The following DOCK9 variants were observed in gnomAD, a reference collection of about 807,000 sequenced individuals.
The protein encoded by DOCK9 is dedicator of cytokinesis protein 9.
Under a neutral mutation model 263.3 loss-of-function variants are expected in DOCK9, and 89 were observed. That is an observed-to-expected ratio of 0.34 (90% CI 0.28 to 0.40). The LOEUF is 0.40. Among genes scored for constraint, DOCK9 ranks in the 10% least tolerant of loss-of-function variants. The pLI, the probability that DOCK9 is intolerant of heterozygous loss-of-function variation, is 1.00. For synonymous variants in DOCK9, 976 were observed against 973.1 expected (o/e 1.00, Z -0.06); for missense variants, 2,140 against 2,603.4 (o/e 0.82, Z 3.87).
chr13:98,927,538 A>C (rs2053174912), intron 3 of DOCK9, among the ~76,000 whole-genome samples: 1 of 152,200 alleles, frequency 6.6e-6, no homozygotes, highest in South Asian at 2.1e-4. Flanking sequence ...TATAAAATGT[A>C]CCTGCCCAAT....
chr13:98,966,047 A>G (rs1290587322), intron 1 of DOCK9, among the ~76,000 whole-genome samples: 1 of 152,268 alleles, frequency 6.6e-6, no homozygotes, highest in Non-Finnish European at 1.5e-5. Context: ...AAAGACAGGA[A>G]TAATAATACC....
chr13:98,990,218 A>G (rs1374494810), intron 1 of DOCK9, among the ~76,000 whole-genome samples: 1 of 152,222 alleles, frequency 6.6e-6, no homozygotes, highest in Non-Finnish European at 1.5e-5. Context: ...AAGAGGAAAA[A>G]AATGCAGAAG....
chr13:98,892,276 A>C (rs1329586110), intron 15 of DOCK9, among the ~76,000 whole-genome samples: 1 of 152,178 alleles, frequency 6.6e-6, no homozygotes, highest in Non-Finnish European at 1.5e-5. Flanking sequence ...CCACAGAGGA[A>C]ATGGGAATGG....
rs774418949 is a variant in DOCK9, at chr13:98,829,373, G to A, written c.4899C>T (p.Pro1633=). ...YSLAKSYAST[P]ELRKTWLDSM... The stretch of plus-strand genomic sequence containing the variant: ...TGTCGAGCCACGTCTTCCTGAGCTC[G>A]GGCGTGCTGGCATAGGATTTGGCCA... Residue 1633 remains proline, a synonymous_variant, in exon 43 of 53, where the codon CCC becomes CCT. Transcript: ENST00000682017. This position sits in a 1 kb window ranked among gnomAD's most constrained non-coding sequence, Gnocchi z 4.1. 1.5e-5 allele frequency: 24 copies of A among 1,613,560 alleles called. No homozygotes were observed. Among genetic ancestry groups the A allele is most frequent in the African/African-American group, 5.3e-5 (4 of 74,912 alleles).
At chr13:98,827,452 T>C (rs985768970) in intron 43 of DOCK9, among the ~76,000 whole-genome samples, 4 of 152,350 alleles carry the variant, frequency 2.6e-5, no homozygotes, top group Middle Eastern at 3.4e-3. Context: ...CATGGTGTTA[T>C]AAAGATCAAA....
intron 1 of DOCK9, among the ~76,000 whole-genome samples, chr13:99,021,367 T>C (rs1477986911): frequency 6.6e-6 from 1 of 152,164 alleles, no homozygotes; most frequent in Admixed American, 6.5e-5. Context: ...AGGCCAGGCG[T>C]GGTGGCTCAT....
At chr13:99,087,657 A>C (rs986511473), upstream of DOCK9, among the ~76,000 whole-genome samples, 11 of 152,220 alleles carry the variant, frequency 7.2e-5, no homozygotes, top group East Asian at 3.9e-4. Flanking sequence ...GCGCAGCCTA[A>C]CCCTCACAGG....
At chr13:99,086,393 C>A in exon 1 of DOCK9, 5 of 1,063,070 alleles carry the variant, frequency 4.7e-6, no homozygotes, top group Non-Finnish European at 5.7e-6. Flanking sequence ...GCTCCCGCGG[C>A]CCGGCCCGGC....
chr13:99,041,404 G>C (rs1170385752), intron 1 of DOCK9, among the ~76,000 whole-genome samples: 1 of 151,708 alleles, frequency 6.6e-6, no homozygotes, highest in East Asian at 1.9e-4. Flanking sequence ...AATTGCTTGA[G>C]CCCTGGAGGT....
intron 1 of DOCK9, among the ~76,000 whole-genome samples, chr13:98,988,579 G>A (rs575367781): frequency 1.4e-4 from 21 of 152,234 alleles, no homozygotes; most frequent in African/African-American, 4.8e-4. Flanking sequence ...TGACCAGACA[G>A]ACAAAATCAA....
In DOCK9 at chr13:98,977,836, T is replaced by C. The variant is rs1875529028; in HGVS notation, c.74A>G (p.Tyr25Cys). The C allele has an allele frequency of 1.2e-6, 2 of 1,609,410 alleles. No individual in the cohort carries two copies. Among genetic ancestry groups the C allele is most frequent in the Admixed American group, 1.7e-5 (1 of 59,412 alleles). Residue 25 changes from tyrosine (Y) to cysteine (C), a missense_variant, in exon 1 of 53, where the codon TAC becomes TGC. This residue lies in a region of DOCK9 where 1,521 missense variants were observed against 1,741.7 expected (regional missense o/e 0.87). Coordinates refer to ENST00000682017, the MANE Select transcript of DOCK9 (RefSeq NM_001366683.2). ...KELVIESPLQ[Y>C]KDAAQGEVEA... ...CACTTCGCCCTGAGCTGCATCCTTGTATTGCAGGGGGGACTCAATCACCAG... is the reference window on the plus strand; with the variant it reads ...CACTTCGCCCTGAGCTGCATCCTTGCATTGCAGGGGGGACTCAATCACCAG...
chr13:98,842,413 T>TTAGATCAAA (rs2093254412), intron 38 of DOCK9, among the ~76,000 whole-genome samples: 1 of 152,206 alleles, frequency 6.6e-6, no homozygotes. Context: ...TAACTGCCTT[T>TTAGATCAAA]TAGATCAAAT....
intron 1 of DOCK9, among the ~76,000 whole-genome samples, chr13:99,036,628 G>A (rs1312660008): frequency 6.6e-5 from 10 of 152,240 alleles, no homozygotes; most frequent in African/African-American, 1.9e-4. Context: ...TGCAACCTCC[G>A]ATTCCCTGAT....
At chr13:99,061,333 TA>T (rs1024344753) in intron 1 of DOCK9, among the ~76,000 whole-genome samples, 13 of 152,194 alleles carry the variant, frequency 8.5e-5, no homozygotes, top group Non-Finnish European at 1.8e-4. Context: ...CTGCATCTTT[TA>T]AAAAATATTA....
chr13:99,044,563 C>T (rs1409289719), intron 1 of DOCK9, among the ~76,000 whole-genome samples: 3 of 152,206 alleles, frequency 2.0e-5, no homozygotes, highest in African/African-American at 7.2e-5. Flanking sequence ...ACCACGATCG[C>T]TTCCTAGCTC....
intron 3 of DOCK9, 138 bp downstream of exon 3, chr13:98,930,030 A>T: frequency 1.3e-6 from 1 of 751,690 alleles, no homozygotes; most frequent in Non-Finnish European, 2.2e-6. Context: ...AAAAATTCAC[A>T]TTATTCTATT....
intron 3 of DOCK9, among the ~76,000 whole-genome samples, chr13:98,928,862 TGGAA>T (rs2053468770): frequency 6.6e-6 from 1 of 152,214 alleles, no homozygotes; most frequent in Admixed American, 6.5e-5. Flanking sequence ...TGTATTTGTC[TGGAA>T]TTAAGTTTAC....
At chr13:98,797,681 G>A (rs1483616820) in intron 50 of DOCK9, among the ~76,000 whole-genome samples, 192 bp from the exon 51 acceptor site, 1 of 152,184 alleles carries the variant, frequency 6.6e-6, no homozygotes, top group Non-Finnish European at 1.5e-5. Flanking sequence ...CATGATCTCA[G>A]CCATCTTCAG....
rs773869027 is a variant in DOCK9 at position 98,901,884 on chromosome 13, G to C, written c.1397C>G (p.Thr466Ser). ...AAGAAATATATCTGGATGAGGACAAGTGACTGAAAATATTCCCTAGGAGGC... is the reference window on the plus strand; with the variant it reads ...AAGAAATATATCTGGATGAGGACAACTGACTGAAAATATTCCCTAGGAGGC... ...QYPKQGIFSVTCPHPDIFLVA... is the reference protein window; with the variant it reads ...QYPKQGIFSVSCPHPDIFLVA... Residue 466 changes from threonine to serine, a missense_variant, in exon 13 of 53, where the codon ACT becomes AGT. Transcript: ENST00000682017. 1 of 1,612,464 alleles carries C rather than the reference G, an allele frequency of 6.2e-7. No homozygotes were observed. The highest frequency in any genetic ancestry group is 8.5e-7 in the Non-Finnish European group (1 of 1,179,262).
Sources: allele counts gnomAD v4.1 joint callset (sites outside exome capture counted in the v4.1 genomes callset), GRCh38; gene constraint gnomAD v4.1.1; regional missense constraint gnomAD v4.1.1; non-coding constraint Gnocchi (gnomAD v3.1); transcripts MANE v1.5; gene names NCBI Gene and HGNC (gene_info 2026-07-23, HGNC 2026-07-21).